CMTR1: variants seen among roughly 807,000 people sequenced by gnomAD.
CMTR1 encodes cap methyltransferase 1.
A neutral mutation model predicts 107.0 loss-of-function variants in CMTR1; 39 were observed. That is an observed-to-expected ratio of 0.36 (90% CI 0.28 to 0.48). The LOEUF is 0.48. CMTR1 is among the 20% of genes least tolerant of loss of function. The probability of loss-of-function intolerance (pLI) is 0.99; values close to 1 mark genes in which losing one functional copy is unlikely to be tolerated. For synonymous variants in CMTR1, 366 were observed against 379.5 expected, an observed-to-expected ratio of 0.96 and a Z score of 0.41; for missense variants, 672 against 1,064.9, an observed-to-expected ratio of 0.63 and a Z score of 5.14.
intron 11 of CMTR1, 59 bp downstream of exon 11, chr6:37,461,704 A>G (rs1581743024): frequency 8.6e-7 from 1 of 1,168,704 alleles, no homozygotes; most frequent in East Asian, 2.4e-5. Context: ...CTATTGGACA[A>G]GAACATGTAC....
chr6:37,475,975 G>A (rs1425003686), intron 19 of CMTR1, 151 bp from the exon 20 acceptor site: 2 of 700,050 alleles, frequency 2.9e-6, no homozygotes, highest in East Asian at 5.2e-5. Context: ...GGCAGGGCGG[G>A]CTTCCTGGGG....
intron 8 of CMTR1, among the ~76,000 whole-genome samples, chr6:37,453,940 C>G (rs942066749): frequency 1.3e-5 from 2 of 152,178 alleles, no homozygotes; most frequent in African/African-American, 4.8e-5. Flanking sequence ...GGGCCACTTT[C>G]CTTCTCTGCC....
At position 37,468,016 on chromosome 6, in the gene CMTR1, G is replaced by C. The variant is rs182297731; in HGVS notation, c.1506-3005G>C. ...TGTTTGATTTCTATTTATCCTGTCT[G>C]CTCTTTGTTCCTCTCTTCCTTTCTT... On this transcript the variant is annotated intron_variant, in intron 13 of 23. Transcript: ENST00000373451. Among the ~76,000 whole-genome samples, 25 of 145,636 alleles carry C rather than the reference G, an allele frequency of 1.7e-4. No homozygotes were observed. The East Asian group carries it at 5.9e-3, about 34-fold the overall frequency.
In CMTR1 at chr6:37,472,520, T is replaced by G. The variant is rs750721087; in HGVS notation, c.1689+33T>G. 6.9e-6 allele frequency: 11 copies of G among 1,600,412 alleles called. No homozygotes were observed. In the East Asian group the frequency reaches 2.5e-4, roughly 36 times the overall value. On this transcript the variant is annotated intron_variant, in intron 16 of 23. Transcript: ENST00000373451. This position sits in a 1 kb window ranked among gnomAD's most constrained non-coding sequence, Gnocchi z 4.1. Reference sequence around the variant, plus strand: ...TGGTATCTGTGGTGGACATAAAAAGTTAGAGATCTGTCTCTAGATGTGGAT... The same window carrying G: ...TGGTATCTGTGGTGGACATAAAAAGGTAGAGATCTGTCTCTAGATGTGGAT...
In CMTR1 at chr6:37,481,391, C is replaced by T; in HGVS notation, c.*1246C>T. On this transcript the variant is annotated 3_prime_UTR_variant, in exon 24 of 24. Transcript: ENST00000373451. Reference sequence around the variant, plus strand: ...CCATGGGGGTCCTTCAGCCAGCATCCAGCTCCCCACCCCCAGGCTGGCAGT... The same window carrying T: ...CCATGGGGGTCCTTCAGCCAGCATCTAGCTCCCCACCCCCAGGCTGGCAGT... 3 of 1,187,042 alleles carry T rather than the reference C, an allele frequency of 2.5e-6. No individual in the cohort carries two copies. Among genetic ancestry groups the T allele is most frequent in the Non-Finnish European group, 3.2e-6 (3 of 941,846 alleles). 73.5% of individuals were successfully genotyped at this position (1,187,042 alleles called of 1,614,324 possible).
chr6:37,447,259 C>T (rs534197971), intron 4 of CMTR1, among the ~76,000 whole-genome samples: 2 of 152,166 alleles, frequency 1.3e-5, no homozygotes, highest in African/African-American at 2.4e-5. Context: ...CCTAATGTTC[C>T]AGTTCAGGAA....
At chr6:37,461,778 A>G (rs1761407136) in intron 11 of CMTR1, 133 bp downstream of exon 11, 1 of 836,352 alleles carries the variant, frequency 1.2e-6, no homozygotes, top group Admixed American at 2.5e-5. Flanking sequence ...TAAATGAGTA[A>G]TTTAGGGAAG....
chr6:37,440,030 C>G (rs555464088), intron 2 of CMTR1, among the ~76,000 whole-genome samples: 2 of 152,092 alleles, frequency 1.3e-5, no homozygotes, highest in African/African-American at 2.4e-5. Context: ...CAGGAGACCT[C>G]TGTTTCCTCT....
rs150901753 is a variant in CMTR1, at chr6:37,473,592, C to T, written c.1812C>T (p.Ile604=). 458 of 1,613,722 alleles carry T rather than the reference C, an allele frequency of 2.8e-4. 2 individuals are homozygous for T. Among genetic ancestry groups the T allele is most frequent in the South Asian group, 1.5e-3 (140 of 91,026 alleles). The change falls in exon 17 of 24, where the codon ATC becomes ATT. Residue 604 remains isoleucine (I), a synonymous_variant. Coordinates refer to ENST00000373451, the MANE Select transcript of CMTR1 (RefSeq NM_015050.3). The part of the protein sequence containing the change: ...MVSGSEQKFL[I]GLGKSQIYTW... Reference sequence around the variant, plus strand: ...CTGGCAGTGAGCAGAAGTTCCTCATCGGCCTGGGGGTAAGTCTGCAGCTGG... The same window carrying T: ...CTGGCAGTGAGCAGAAGTTCCTCATTGGCCTGGGGGTAAGTCTGCAGCTGG...
Position 37,458,665 on chromosome 6 carries a change from C to T in CMTR1, c.831C>T (p.Cys277=), listed in dbSNP as rs547318914. 35 of 1,614,006 alleles carry T rather than the reference C, an allele frequency of 2.2e-5. No individual in the cohort carries two copies. Among genetic ancestry groups the T allele is most frequent in the South Asian group, 2.0e-4 (18 of 91,060 alleles). Residue 277 remains cysteine, a synonymous_variant, in exon 9 of 24, where the codon TGC becomes TGT. Coordinates refer to ENST00000373451, the MANE Select transcript of CMTR1 (RefSeq NM_015050.3). This position sits in a 1 kb window ranked among gnomAD's most constrained non-coding sequence, Gnocchi z 4.7. ...EAELLYFADV[C]AGPGGFSEYV... ...AGCTTCTGTACTTTGCTGATGTCTG[C>T]GCAGGCCCAGGTGGCTTCTCAGAGT...
At chr6:37,475,449 A>G in intron 19 of CMTR1, 37 bp downstream of exon 19, 1 of 1,568,878 alleles carries the variant, frequency 6.4e-7, no homozygotes, top group Non-Finnish European at 8.8e-7. Flanking sequence ...GGGTGGGGGT[A>G]GGCCAGGGCA....
intron 5 of CMTR1, 142 bp downstream of exon 5, chr6:37,450,485 A>G: frequency 1.5e-6 from 1 of 680,022 alleles, no homozygotes; most frequent in South Asian, 1.7e-5. Flanking sequence ...AACTGTGTCA[A>G]GAGGGAGTGT....
chr6:37,428,058 G>C, the CMTR1 span, among the ~76,000 whole-genome samples: 1 of 126,686 alleles, frequency 7.9e-6, no homozygotes, highest in Non-Finnish European at 1.6e-5. Flanking sequence ...GAGAGAGAGA[G>C]AGAAACTCTC....
At chr6:37,445,311 T>C (rs1291298213) in intron 3 of CMTR1, among the ~76,000 whole-genome samples, 1 of 152,122 alleles carries the variant, frequency 6.6e-6, no homozygotes, top group East Asian at 1.9e-4. Context: ...CTTCTTAGGA[T>C]TGCAGTTTTT....
intron 2 of CMTR1, among the ~76,000 whole-genome samples, chr6:37,440,640 G>A (rs549690116): frequency 2.0e-5 from 3 of 152,334 alleles, no homozygotes; most frequent in South Asian, 2.1e-4. Flanking sequence ...AACACCTTGG[G>A]AGGAAGAGTA....
chr6:37,444,620 C>T (rs969766940), intron 3 of CMTR1, among the ~76,000 whole-genome samples: 1 of 152,138 alleles, frequency 6.6e-6, no homozygotes, highest in African/African-American at 2.4e-5. Flanking sequence ...AACTTTTATA[C>T]CTAATTGATG....
chr6:37,454,503 G>T (rs1761249551), intron 8 of CMTR1, among the ~76,000 whole-genome samples: 1 of 152,216 alleles, frequency 6.6e-6, no homozygotes, highest in East Asian at 1.9e-4. Flanking sequence ...TTAAACCCCT[G>T]CCTGGCAGAG....
chr6:37,444,422 CAT>C (rs558448123), intron 3 of CMTR1, among the ~76,000 whole-genome samples: 1 of 152,148 alleles, frequency 6.6e-6, no homozygotes, highest in Non-Finnish European at 1.5e-5. Context: ...TTATTACTAA[CAT>C]GTGTGACTAT....
chr6:37,435,542 A>T (rs921348756), intron 1 of CMTR1, 82 bp from the exon 2 acceptor site: 5 of 1,466,054 alleles, frequency 3.4e-6, no homozygotes, highest in Admixed American at 5.2e-5. Context: ...CATCCCATTG[A>T]TGATTTACAC....
Sources: gnomAD v4.1 joint callset for allele counts (sites outside exome capture counted in the v4.1 genomes callset) on GRCh38, gnomAD v4.1.1 for gene constraint, Gnocchi (gnomAD v3.1) non-coding constraint, MANE v1.5 for transcripts, NCBI Gene and HGNC (gene_info 2026-07-23, HGNC 2026-07-21) for gene names.